The following PPP1R12A variants were observed in gnomAD, a reference collection of about 807,000 sequenced individuals.
PPP1R12A encodes myosin binding subunit.
In PPP1R12A, 19 loss-of-function variants were observed where a neutral mutation model predicts 139.6. The observed-to-expected ratio is 0.14, with a 90% confidence interval of 0.09 to 0.20. The LOEUF is 0.20. Ranked by LOEUF, PPP1R12A falls within the 10% of genes least tolerant of loss-of-function variation. The pLI is 1.00. For synonymous variants in PPP1R12A, 427 were observed against 420.6 expected, an observed-to-expected ratio of 1.02 and a Z score of -0.19; for missense variants, 925 against 1,211.5, an observed-to-expected ratio of 0.76 and a Z score of 3.51.
intron 1 of PPP1R12A, among the ~76,000 whole-genome samples, chr12:79,902,041 A>G (rs960846526): frequency 1.3e-5 from 2 of 152,240 alleles, no homozygotes; most frequent in African/African-American, 4.8e-5. Flanking sequence ...GCTAGAATAC[A>G]GATTAACAAG....
intron 3 of PPP1R12A, among the ~76,000 whole-genome samples, chr12:79,844,812 T>C (rs1167965084): frequency 6.6e-6 from 1 of 152,328 alleles, no homozygotes; most frequent in East Asian, 1.9e-4. Context: ...CCTCTTCCTC[T>C]GCTCTGCCTC....
intron 1 of PPP1R12A, among the ~76,000 whole-genome samples, chr12:79,919,089 C>G (rs1462913112): frequency 1.3e-5 from 2 of 151,922 alleles, no homozygotes; most frequent in African/African-American, 2.4e-5. Context: ...GTACTCCAGA[C>G]AGAGCAAGAC....
chr12:79,925,836 T>C (rs1293839765), intron 1 of PPP1R12A, among the ~76,000 whole-genome samples: 2 of 152,148 alleles, frequency 1.3e-5, no homozygotes, highest in African/African-American at 2.4e-5. Flanking sequence ...AGTAAAAATG[T>C]TATTTGGAAA....
chr12:79,814,282 C>G (rs1874977811), intron 9 of PPP1R12A, among the ~76,000 whole-genome samples: 2 of 150,802 alleles, frequency 1.3e-5, no homozygotes, highest in South Asian at 4.2e-4. Flanking sequence ...TCGAGACCAT[C>G]CTGGCTAACA....
rs576263436 is a variant in PPP1R12A at position 79,911,877 on chromosome 12, G to A, written c.237+22818C>T. Among the ~76,000 whole-genome samples the A allele has an allele frequency of 6.6e-5, 10 of 152,144 alleles. No homozygotes were observed. The Middle Eastern group carries it at 0.014, about 207-fold the overall frequency. ...CAGCCAGCAGCCGTCTCTTAAAAAT[G>A]CAAATCTGATTAGCACTAAAGCAAT... On this transcript the variant is annotated intron_variant, in intron 1 of 24. Coordinates refer to ENST00000450142, the MANE Select transcript of PPP1R12A (RefSeq NM_002480.3).
At chr12:79,931,548 A>G (rs4842326) in intron 1 of PPP1R12A, among the ~76,000 whole-genome samples, 120,512 of 152,110 alleles carry the variant, frequency 0.79, 49,983 homozygotes, top group Non-Finnish European at 0.92. Flanking sequence ...CAGTATCAGT[A>G]AGAATCAGCA....
intron 22 of PPP1R12A, among the ~76,000 whole-genome samples, chr12:79,783,756 T>C (rs1870768302): frequency 6.6e-6 from 1 of 152,168 alleles, no homozygotes; most frequent in Admixed American, 6.5e-5. Flanking sequence ...TATGGGAAGA[T>C]TTTAGCAATT....
chr12:79,775,860 G>A lies in PPP1R12A; in HGVS notation c.*69C>T. ...TCCAAGGATTCTTCCCAGACTTCCA[G>A]TGACTGCCAATTATGGTCCACTGGG... On this transcript the variant is annotated 3_prime_UTR_variant, in exon 25 of 25. Coordinates refer to ENST00000450142, the MANE Select transcript of PPP1R12A (RefSeq NM_002480.3). The A allele has an allele frequency of 9.2e-7, 1 of 1,081,398 alleles. No homozygotes were observed. Among genetic ancestry groups the A allele is most frequent in the Non-Finnish European group, 1.3e-6 (1 of 773,482 alleles). The allele number at this position is 1,081,398 out of a possible 1,614,324, so 67.0% of individuals were successfully genotyped here.
chr12:79,878,637 T>G (rs1883341470), intron 1 of PPP1R12A, among the ~76,000 whole-genome samples: 1 of 152,106 alleles, frequency 6.6e-6, no homozygotes, highest in South Asian at 2.1e-4. Flanking sequence ...AAACTTACCA[T>G]CATGGTGGAA....
chr12:79,845,428 A>G lies in PPP1R12A; in HGVS notation c.369-8T>C. 1 of 1,574,714 alleles carries G rather than the reference A, an allele frequency of 6.4e-7. No individual in the cohort carries two copies. Among genetic ancestry groups the G allele is most frequent in the Non-Finnish European group, 8.7e-7 (1 of 1,151,244 alleles). On this transcript the variant is annotated splice_region_variant and splice_polypyrimidine_tract_variant and intron_variant, in intron 2 of 24. Coordinates refer to ENST00000450142, the MANE Select transcript of PPP1R12A (RefSeq NM_002480.3). Reference sequence around the variant, plus strand: ...CCTTGACCAATCAAAAACCTGTAAAACCAAAGGAAAAATAGTTAAGCAAAA... The same window carrying G: ...CCTTGACCAATCAAAAACCTGTAAAGCCAAAGGAAAAATAGTTAAGCAAAA...
intron 1 of PPP1R12A, among the ~76,000 whole-genome samples, chr12:79,906,432 TTC>T (rs1886123285): frequency 6.6e-6 from 1 of 152,074 alleles, no homozygotes; most frequent in Non-Finnish European, 1.5e-5. Context: ...CAGTAATTTT[TTC>T]TCTTATTTCT....
At chr12:79,821,555 C>T (rs1876102930) in intron 6 of PPP1R12A, among the ~76,000 whole-genome samples, 1 of 152,092 alleles carries the variant, frequency 6.6e-6, no homozygotes, top group Non-Finnish European at 1.5e-5. Flanking sequence ...GAGTTCAAGA[C>T]CAGCCTGGGC....
chr12:79,880,599 A>C (rs186563244), intron 1 of PPP1R12A, among the ~76,000 whole-genome samples: 21 of 152,304 alleles, frequency 1.4e-4, no homozygotes, highest in African/African-American at 5.1e-4. Flanking sequence ...GTAGAAAAAA[A>C]CACTTTAGAA....
chr12:79,837,766 G>A (rs1291588248), intron 3 of PPP1R12A, among the ~76,000 whole-genome samples: 1 of 152,144 alleles, frequency 6.6e-6, no homozygotes. Flanking sequence ...TGTGAAGAAG[G>A]ACGTGTTTGC....
intron 2 of PPP1R12A, 48 bp from the exon 3 acceptor site, chr12:79,845,468 A>T (rs1879262824): frequency 6.2e-6 from 8 of 1,292,482 alleles, no homozygotes; most frequent in Non-Finnish European, 8.8e-6. Context: ...TTATCATTGA[A>T]ATAAAACTAA....
intron 1 of PPP1R12A, among the ~76,000 whole-genome samples, chr12:79,876,358 T>TG (rs1883101619): frequency 6.6e-6 from 1 of 152,222 alleles, no homozygotes; most frequent in South Asian, 2.1e-4. Flanking sequence ...GTTCTTGACA[T>TG]GCAGAATTCG....
intron 5 of PPP1R12A, chr12:79,823,849 A>G (rs1023439576): frequency 3.9e-5 from 6 of 152,442 alleles, no homozygotes; most frequent in African/African-American, 1.4e-4. Context: ...TCCACCTCCC[A>G]AAGTGCTGGG....
At chr12:79,832,226 T>C in intron 4 of PPP1R12A, 106 bp downstream of exon 4, 1 of 1,066,800 alleles carries the variant, frequency 9.4e-7, no homozygotes. Flanking sequence ...ATTAAAGAAC[T>C]CTTTTATGTT....
intron 4 of PPP1R12A, among the ~76,000 whole-genome samples, chr12:79,828,893 A>G (rs965344914): frequency 6.6e-6 from 1 of 152,154 alleles, no homozygotes; most frequent in Non-Finnish European, 1.5e-5. Context: ...CTCGGGCTAA[A>G]TGTGTTCTAA....
Sources: gnomAD v4.1 joint callset for allele counts (sites outside exome capture counted in the v4.1 genomes callset) on GRCh38, gnomAD v4.1.1 for gene constraint, MANE v1.5 for transcripts, NCBI Gene and HGNC (gene_info 2026-07-23, HGNC 2026-07-21) for gene names.